CACNA2D3: variants seen among roughly 807,000 people sequenced by gnomAD.
The protein encoded by CACNA2D3 is calcium voltage-gated channel auxiliary subunit alpha2delta 3.
A neutral mutation model predicts 160.6 loss-of-function variants in CACNA2D3; 60 were observed. The observed-to-expected ratio is 0.37, with a 90% CI of 0.30 to 0.46. The LOEUF (loss-of-function observed/expected upper bound fraction) is 0.46, where lower values mean the gene tolerates loss of function less well. CACNA2D3 is among the 20% of genes least tolerant of loss of function. The probability of loss-of-function intolerance (pLI) is 1.00; values close to 1 mark genes in which losing one functional copy is unlikely to be tolerated. For missense variants in CACNA2D3, 1,205 were observed against 1,365.0 expected (o/e 0.88, Z 1.85); for synonymous variants, 558 against 492.9 (o/e 1.13, Z -1.75).
chr3:54,764,073 AAAG>A (rs1702172205), intron 12 of CACNA2D3, 142 bp from the exon 13 acceptor site: 1 of 835,396 alleles, frequency 1.2e-6, no homozygotes, highest in Non-Finnish European at 1.9e-6. Flanking sequence ...CTAACGTTGA[AAAG>A]AAAAATGGGG....
chr3:54,910,980 A>C (rs1409763677), intron 27 of CACNA2D3, among the ~76,000 whole-genome samples: 1 of 152,206 alleles, frequency 6.6e-6, no homozygotes, highest in Admixed American at 6.5e-5. Context: ...AATTCCACGT[A>C]TCTTGTGCCC....
rs78874743 is a variant in CACNA2D3 at position 54,269,814 on chromosome 3, G to A, written c.205-50628G>A. Reference sequence around the variant, plus strand: ...GGATAGAAATCACTTGTTTTTTGTTGTTTGTTTGTTTCATGAATTTGATTG... The same window carrying A: ...GGATAGAAATCACTTGTTTTTTGTTATTTGTTTGTTTCATGAATTTGATTG... On this transcript the variant is annotated intron_variant, in intron 2 of 37. Coordinates refer to ENST00000474759, the MANE Select transcript of CACNA2D3 (RefSeq NM_018398.3). 9.8e-3 allele frequency among the ~76,000 whole-genome samples: 1,495 copies of A among 152,232 alleles called. 30 individuals carry two copies. The highest frequency in any genetic ancestry group is 0.034 in the African/African-American group (1,430 of 41,526).
At chr3:54,848,093 T>A (rs1698974364) in intron 17 of CACNA2D3, among the ~76,000 whole-genome samples, 1 of 152,212 alleles carries the variant, frequency 6.6e-6, no homozygotes, top group South Asian at 2.1e-4. Flanking sequence ...CGCCACACAG[T>A]CGACTCACAA....
rs528213896 is a variant in CACNA2D3 at position 54,911,284 on chromosome 3, T to G, written c.2449+11416T>G. On this transcript the variant is annotated intron_variant, in intron 27 of 37. Transcript: ENST00000474759. ...TCAGGATCTTCTTCCTCTTCTTCTTTTTCTCTTCTTCCTCTTCCTCCCCTT... is the reference window on the plus strand; with the variant it reads ...TCAGGATCTTCTTCCTCTTCTTCTTGTTCTCTTCTTCCTCTTCCTCCCCTT... Among the ~76,000 whole-genome samples the G allele has an allele frequency of 6.7e-4, 101 of 150,180 alleles. 1 individual carries two copies. The highest frequency in any genetic ancestry group is 5.2e-3 in the Admixed American group (78 of 15,110).
At chr3:54,892,319 A>G (rs1397950012) in intron 25 of CACNA2D3, among the ~76,000 whole-genome samples, 2 of 152,010 alleles carry the variant, frequency 1.3e-5, no homozygotes, top group African/African-American at 4.8e-5. Flanking sequence ...GTGAATAACC[A>G]AGCCACAGAG....
chr3:54,458,779 T>C (rs1700444978), intron 4 of CACNA2D3, among the ~76,000 whole-genome samples: 1 of 110,264 alleles, frequency 9.1e-6, no homozygotes, highest in Middle Eastern at 4.0e-3. Flanking sequence ...TTTTATTTTA[T>C]TATTATTATA....
intron 13 of CACNA2D3, among the ~76,000 whole-genome samples, 170 bp downstream of exon 13, chr3:54,764,521 A>G (rs1205159847): frequency 6.6e-6 from 1 of 152,216 alleles, no homozygotes; most frequent in African/African-American, 2.4e-5. Context: ...GTGAAAAATC[A>G]TAACGTACTA....
At chr3:54,779,134 G>C (rs543041189) in intron 13 of CACNA2D3, among the ~76,000 whole-genome samples, 2 of 151,784 alleles carry the variant, frequency 1.3e-5, no homozygotes, top group Admixed American at 6.6e-5. Context: ...GTCTCCTTCT[G>C]TTGCCCAGGC....
At chr3:54,596,045 C>T (rs537940986) in intron 9 of CACNA2D3, among the ~76,000 whole-genome samples, 1 of 152,006 alleles carries the variant, frequency 6.6e-6, no homozygotes, top group Non-Finnish European at 1.5e-5. Context: ...GTGGGGAGGG[C>T]GGGGGAAGAA....
intron 29 of CACNA2D3, among the ~76,000 whole-genome samples, chr3:54,976,208 T>C (rs2107085432): frequency 6.6e-6 from 1 of 151,514 alleles, no homozygotes; most frequent in Admixed American, 6.6e-5. Flanking sequence ...GGTCAGCCAG[T>C]AGAAAGAGTG....
Position 54,615,061 on chromosome 3 carries a change from A to G in CACNA2D3, c.964-12726A>G, listed in dbSNP as rs576897976. On this transcript the variant is annotated intron_variant, in intron 9 of 37. Transcript: ENST00000474759. ...ATGAACGGCAGCTAACATTTATCCA[A>G]TTTTCTTCTACAAGTGGTTCTTCAG... Among the ~76,000 whole-genome samples, 3 of 152,316 alleles carry G rather than the reference A, an allele frequency of 2.0e-5. No individual in the cohort carries two copies. In the South Asian group the frequency reaches 6.2e-4, roughly 32 times the overall value.
intron 2 of CACNA2D3, among the ~76,000 whole-genome samples, chr3:54,141,008 T>C (rs956511288): frequency 6.6e-6 from 1 of 151,840 alleles, no homozygotes; most frequent in African/African-American, 2.4e-5. Context: ...GGCACCTCTC[T>C]GTGGTGTTGT....
At chr3:54,164,451 C>T (rs1372519575) in intron 2 of CACNA2D3, among the ~76,000 whole-genome samples, 4 of 152,224 alleles carry the variant, frequency 2.6e-5, no homozygotes, top group South Asian at 2.1e-4. Flanking sequence ...TTCTCCTCCT[C>T]GGGGGACTCC....
intron 11 of CACNA2D3, among the ~76,000 whole-genome samples, chr3:54,738,809 A>G (rs1005263561): frequency 6.6e-6 from 1 of 152,072 alleles, no homozygotes; most frequent in Non-Finnish European, 1.5e-5. Flanking sequence ...TTTTTCTCCC[A>G]CTTATTGTAT....
intron 14 of CACNA2D3, among the ~76,000 whole-genome samples, chr3:54,823,388 GT>G (rs34235458): frequency 0.092 from 13,881 of 151,154 alleles, 690 homozygotes; most frequent in South Asian, 0.15. Context: ...TTTTTTAAAA[GT>G]TTTTTTTTAG....
chr3:54,984,997 G>A (rs1702585078), intron 30 of CACNA2D3, among the ~76,000 whole-genome samples: 1 of 152,150 alleles, frequency 6.6e-6, no homozygotes, highest in South Asian at 2.1e-4. Flanking sequence ...CGAGGGTGGG[G>A]TGCCTTAAAT....
chr3:54,880,827 A>G lies in CACNA2D3; in HGVS notation c.1876A>G (p.Lys626Glu). Reference sequence around the variant, plus strand: ...TGTGGCGCTTTCCAGAGGTCATGGGAAATATTTCTTCCGAGGGAATGTAAC... The same window carrying G: ...TGTGGCGCTTTCCAGAGGTCATGGGGAATATTTCTTCCGAGGGAATGTAAC... ...LGVALSRGHG[K>E]YFFRGNVTIE... Residue 626 changes from lysine (K) to glutamate (E), a missense_variant, in exon 21 of 38, where the codon AAA (lysine) becomes GAA (glutamate). Lys to Glu is a moderately conservative substitution (Grantham distance 56, BLOSUM62 1). Around this residue, in one of 3 missense-constraint regions of CACNA2D3, gnomAD observed 911 missense variants for 1,002.2 expected, o/e 0.91. Transcript: ENST00000474759. 6.2e-7 allele frequency: 1 copy of G among 1,613,818 alleles called. No homozygotes were observed. Among genetic ancestry groups the G allele is most frequent in the Non-Finnish European group, 8.5e-7 (1 of 1,179,796 alleles).
Position 55,074,423 on chromosome 3 carries a change from G to GTGAGT in CACNA2D3, c.*219_*223dup. On this transcript the variant is annotated 3_prime_UTR_variant, in exon 38 of 38. Transcript: ENST00000474759. ...TTTTTACTTTGCCAGTCATGCAAAT[G>GTGAGT]TGAGTTTGCCACATGATAATCACCC... is the stretch of plus-strand genomic sequence containing the variant. 1 of 556,384 alleles carries GTGAGT rather than the reference G, an allele frequency of 1.8e-6. No individual in the cohort carries two copies. Among genetic ancestry groups the GTGAGT allele is most frequent in the Non-Finnish European group, 3.2e-6 (1 of 311,242 alleles). The allele number at this position is 556,384 out of a possible 1,614,324, so 34.5% of individuals were successfully genotyped here.
At chr3:54,918,628 A>G in intron 27 of CACNA2D3, 1 of 1,614,180 alleles carries the variant, frequency 6.2e-7, no homozygotes, top group Non-Finnish European at 8.5e-7. Context: ...GCCAGTGATG[A>G]TGACAGTGGC....
Sources: gnomAD v4.1 joint callset for allele counts (sites outside exome capture counted in the v4.1 genomes callset) on GRCh38, gnomAD v4.1.1 for gene constraint, gnomAD v4.1.1 regional missense constraint, MANE v1.5 for transcripts, NCBI Gene and HGNC (gene_info 2026-07-23, HGNC 2026-07-21) for gene names.